Variants in NSD1 observed in about 807,000 individuals in gnomAD.
NSD1 encodes nuclear receptor binding SET domain protein 1, also known as histone-lysine N-methyltransferase, H3 lysine-36 specific.
NSD1 carries 26 observed loss-of-function variants against 242.7 expected under a neutral mutation model. The ratio of observed to expected loss-of-function variants is 0.11; its 90% CI spans 0.08 to 0.15. The LOEUF is 0.15. Among genes scored for constraint, NSD1 ranks in the 10% least tolerant of loss-of-function variants. The pLI is 1.00. For synonymous variants in NSD1, 1,106 were observed against 1,178.1 expected, an observed-to-expected ratio of 0.94 and a Z score of 1.25; for missense variants, 2,495 against 3,272.8, an observed-to-expected ratio of 0.76 and a Z score of 5.80.
At position 177,256,930 on chromosome 5, in the gene NSD1, T is replaced by C. The variant is rs780626613; in HGVS notation, c.4766-21T>C. 9.4e-6 allele frequency: 15 copies of C among 1,602,810 alleles called. No individual in the cohort carries two copies. The South Asian group carries it at 1.4e-4, about 15-fold the overall frequency. On this transcript the variant is annotated intron_variant, in intron 12 of 22. Coordinates refer to ENST00000439151, the MANE Select transcript of NSD1 (RefSeq NM_022455.5). ...GTAGATTCTTGAATTCTTACTAATT[T>C]ATCTTCTTTTGGCTTCTCAGGAATC...
chr5:177,190,709 T>G (rs1470893095), intron 2 of NSD1, among the ~76,000 whole-genome samples: 1 of 148,132 alleles, frequency 6.8e-6, no homozygotes, highest in African/African-American at 2.5e-5. Flanking sequence ...TTGCTCTGTC[T>G]CCCAGGCTGG....
intron 3 of NSD1, 110 bp from the exon 4 acceptor site, chr5:177,204,010 G>C (rs1432849778): frequency 9.6e-7 from 1 of 1,046,324 alleles, no homozygotes; most frequent in Admixed American, 1.7e-5. Context: ...CAGTGGGCAT[G>C]TTAGTTGTTT....
In NSD1 at chr5:177,295,098, T is replaced by TGAAGCAGGC; in HGVS notation, c.7738_7746dup (p.Ala2580_Gln2582dup). ...CCTCTTAGCCAATCCCCGGGCCTGG[T>TGAAGCAGGC]GAAGCAGGCGAAGCAGATGGTCGGA... On this transcript the variant is annotated inframe_insertion, in exon 23 of 23. Coordinates refer to ENST00000439151, the MANE Select transcript of NSD1 (RefSeq NM_022455.5). This position sits in a 1 kb window ranked among gnomAD's most constrained non-coding sequence, Gnocchi z 4.3. 6.2e-7 allele frequency: 1 copy of TGAAGCAGGC among 1,611,654 alleles called. No homozygotes were observed. The highest frequency in any genetic ancestry group is 8.5e-7 in the Non-Finnish European group (1 of 1,178,428).
chr5:177,208,858 G>C (rs1468162997), intron 4 of NSD1, among the ~76,000 whole-genome samples: 1 of 151,970 alleles, frequency 6.6e-6, no homozygotes, highest in Non-Finnish European at 1.5e-5. Context: ...ACCACACCTG[G>C]CTAATTTTTT....
In NSD1 at chr5:177,238,124, ACTTTTTGTAGC is replaced by A. The variant is rs1237496359; in HGVS notation, c.3922-108_3922-98del. ...TACATAATGTCTTCAAGGTTCATCC[ACTTTTTGTAGC>A]CTTTGTCAGAATTTCATTCCTTTTA... On this transcript the variant is annotated intron_variant, in intron 6 of 22. Transcript: ENST00000439151. The surrounding 1 kb of genome is among the most constrained non-coding windows in gnomAD (Gnocchi z 4.6). The A allele has an allele frequency of 2.5e-6, 3 of 1,222,122 alleles. No individual in the cohort carries two copies. Among genetic ancestry groups the A allele is most frequent in the Admixed American group, 1.7e-5 (1 of 57,674 alleles). The allele number at this position is 1,222,122 out of a possible 1,614,324, so 75.7% of individuals were successfully genotyped here.
At chr5:177,162,685 T>TA (rs1758857858) in intron 2 of NSD1, among the ~76,000 whole-genome samples, 1 of 151,078 alleles carries the variant, frequency 6.6e-6, no homozygotes, top group Non-Finnish European at 1.5e-5. Context: ...CCTTGCCCAT[T>TA]ATAGCTTTTT....
chr5:177,279,897 G>A (rs993273089), intron 17 of NSD1, among the ~76,000 whole-genome samples: 2 of 150,888 alleles, frequency 1.3e-5, no homozygotes, highest in African/African-American at 4.9e-5. Flanking sequence ...GATTACAGGT[G>A]TGAGCCACCA....
intron 20 of NSD1, among the ~76,000 whole-genome samples, chr5:177,286,090 G>T (rs1392226753): frequency 6.6e-6 from 1 of 151,920 alleles, no homozygotes; most frequent in Non-Finnish European, 1.5e-5. Context: ...AGAGACTCCT[G>T]ACCTCAAGTG....
intron 20 of NSD1, among the ~76,000 whole-genome samples, chr5:177,284,602 A>G (rs1265501978): frequency 1.3e-5 from 2 of 152,132 alleles, no homozygotes; most frequent in East Asian, 3.9e-4. Context: ...CATTTCTTTT[A>G]GCACAGTGTC....
chr5:177,151,776 C>G (rs975388147), intron 2 of NSD1, among the ~76,000 whole-genome samples: 2 of 151,934 alleles, frequency 1.3e-5, no homozygotes, highest in East Asian at 3.9e-4. Context: ...ACTGCAGCCT[C>G]AACCTCCCAG....
chr5:177,218,757 G>T (rs559649765), intron 5 of NSD1, among the ~76,000 whole-genome samples: 78 of 151,574 alleles, frequency 5.1e-4, no homozygotes, highest in African/African-American at 1.8e-3. Context: ...TTTTTTAGTA[G>T]ACAGGGTTTC....
intron 2 of NSD1, among the ~76,000 whole-genome samples, chr5:177,172,807 A>G (rs975095606): frequency 6.6e-6 from 1 of 151,720 alleles, no homozygotes; most frequent in Non-Finnish European, 1.5e-5. Flanking sequence ...AATTTTTTTT[A>G]AAAACTAGCT....
rs1763350242 is a variant in NSD1, at chr5:177,211,627, T to C, written c.3228T>C (p.Gly1076=). The change falls in exon 5 of 23, where the codon GGT becomes GGC. Residue 1076 remains glycine, a synonymous_variant. Transcript: ENST00000439151. ...AVLQGDRERG[G]SLRGGAEDPS... is the part of the protein sequence containing the mutation. ...TGCAGGGAGACCGAGAACGTGGAGG[T>C]TCATTGAGAGGTGGGGCAGAAGATC... The C allele has an allele frequency of 6.2e-7, 1 of 1,612,126 alleles. No individual in the cohort carries two copies. Among genetic ancestry groups the C allele is most frequent in the African/African-American group, 1.3e-5 (1 of 74,254 alleles).
At chr5:177,275,383 C>T (rs1758288755) in intron 17 of NSD1, among the ~76,000 whole-genome samples, 1 of 147,044 alleles carries the variant, frequency 6.8e-6, no homozygotes. Flanking sequence ...TAAAGTGTGA[C>T]AGTTTCAGTA....
Position 177,269,933 on chromosome 5 carries a change from T to G in NSD1, c.5509+126T>G. The G allele has an allele frequency of 1.3e-6, 1 of 753,322 alleles. No individual in the cohort carries two copies. 46.7% of individuals were successfully genotyped at this position (753,322 alleles called of 1,614,324 possible). A position where few individuals can be genotyped will look rare whatever the true frequency, so the allele number is the denominator to read the frequency against. On this transcript the variant is annotated intron_variant, in intron 16 of 22. Transcript: ENST00000439151. This position sits in a 1 kb window ranked among gnomAD's most constrained non-coding sequence, Gnocchi z 5.1. ...TTGTCCTCTCAGGGCATTATCTGGC[T>G]GCAAATACAGTATTTTGCAAGGAAG...
intron 2 of NSD1, among the ~76,000 whole-genome samples, chr5:177,191,627 G>A (rs1581253626): frequency 6.6e-6 from 1 of 151,794 alleles, no homozygotes; most frequent in East Asian, 1.9e-4. Context: ...AATAAAGCCA[G>A]CTTAATTTTA....
At chr5:177,232,406 A>G (rs1308187942) in intron 5 of NSD1, among the ~76,000 whole-genome samples, 7 of 152,196 alleles carry the variant, frequency 4.6e-5, no homozygotes, top group Non-Finnish European at 1.0e-4. Context: ...AATGCTCCAA[A>G]ATCGAAATCT....
chr5:177,132,537 C>T (rs2149751398), upstream of NSD1, among the ~76,000 whole-genome samples: 1 of 151,952 alleles, frequency 6.6e-6, no homozygotes, highest in South Asian at 2.1e-4. The surrounding 1 kb of genome is among the most constrained non-coding windows in gnomAD (Gnocchi z 7.5). Context: ...CCCCTGGGCT[C>T]GGGGGTGGTG....
intron 2 of NSD1, among the ~76,000 whole-genome samples, chr5:177,157,027 CTAAA>C (rs1239863075): frequency 2.0e-5 from 3 of 152,024 alleles, no homozygotes; most frequent in Non-Finnish European, 4.4e-5. Flanking sequence ...GACTCCGTCT[CTAAA>C]TAAATAAGTG....
Sources: gnomAD v4.1 joint callset for allele counts (sites outside exome capture counted in the v4.1 genomes callset) on GRCh38, gnomAD v4.1.1 for gene constraint, Gnocchi (gnomAD v3.1) non-coding constraint, MANE v1.5 for transcripts, NCBI Gene and HGNC (gene_info 2026-07-23, HGNC 2026-07-21) for gene names.